The following TENM4 variants were observed in gnomAD, a reference collection of about 807,000 sequenced individuals.
TENM4 encodes teneurin transmembrane protein 4, also known as teneurin-4.
A neutral mutation model predicts 243.3 loss-of-function variants in TENM4; 82 were observed. The observed-to-expected ratio is 0.34, with a 90% confidence interval of 0.28 to 0.40. The LOEUF (loss-of-function observed/expected upper bound fraction) is 0.40, where lower values mean the gene tolerates loss of function less well. Ranked by LOEUF, TENM4 falls within the 10% of genes least tolerant of loss-of-function variation. The pLI is 1.00. For missense variants in TENM4, 3,138 were observed against 3,673.3 expected (o/e 0.85, Z 3.77); for synonymous variants, 1,412 against 1,456.3 (o/e 0.97, Z 0.69).
intron 1 of TENM4, among the ~76,000 whole-genome samples, chr11:79,400,790 T>C (rs189365919): frequency 1.1e-4 from 16 of 152,358 alleles, no homozygotes; most frequent in Admixed American, 5.9e-4. Context: ...TCTTATGTTA[T>C]CTGTTCCCTT....
Position 78,854,262 on chromosome 11 carries a change from C to T in TENM4, c.1523G>A (p.Arg508Gln), listed in dbSNP as rs1183136961. ...CTGGCGCGGGGTCCCCTCTAGGCTC[C>T]GCGCCTCCTGGGTTAGGAGCCTCCT... The part of the protein sequence containing the change: ...DGRRLLTQEA[R>Q]SLEGTPRQSR... The change falls in exon 12 of 34, where the codon CGG (arginine) becomes CAG (glutamine). Residue 508 changes from arginine (R) to glutamine (Q), a missense_variant. By Grantham distance (43) the Arg-to-Gln change is conservative (BLOSUM62 1). Around this residue, in one of 2 missense-constraint regions of TENM4, gnomAD observed 2,467 missense variants for 3,059.1 expected, o/e 0.81. Coordinates refer to ENST00000278550, the MANE Select transcript of TENM4 (RefSeq NM_001098816.3). The T allele has an allele frequency of 2.1e-5, 33 of 1,541,348 alleles. No individual in the cohort carries two copies. Among genetic ancestry groups the T allele is most frequent in the African/African-American group, 9.6e-5 (7 of 72,610 alleles).
intron 6 of TENM4, among the ~76,000 whole-genome samples, chr11:79,053,478 G>C (rs1442872642): frequency 6.6e-6 from 1 of 152,208 alleles, no homozygotes; most frequent in Non-Finnish European, 1.5e-5. Context: ...CAGCAATTCA[G>C]AACCATCTCC....
Position 78,702,199 on chromosome 11 carries a change from C to T in TENM4, c.4414G>A (p.Ala1472Thr), listed in dbSNP as rs776255394. ...ACCCCATTGTGTGAAACAGCCAAAGCGGTGGCTGACTCCAGGGTTGCGTGG... is the reference window on the plus strand; with the variant it reads ...ACCCCATTGTGTGAAACAGCCAAAGTGGTGGCTGACTCCAGGGTTGCGTGG... ...AIHATLESAT[A>T]LAVSHNGVLY... Residue 1472 changes from alanine (A) to threonine (T), a missense_variant, in exon 28 of 34, where the codon GCT (alanine) becomes ACT (threonine). Coordinates refer to ENST00000278550, the MANE Select transcript of TENM4 (RefSeq NM_001098816.3). The T allele has an allele frequency of 6.3e-5, 101 of 1,613,900 alleles. No individual in the cohort carries two copies. The highest frequency in any genetic ancestry group is 9.3e-5 in the African/African-American group (7 of 74,928).
intron 4 of TENM4, among the ~76,000 whole-genome samples, chr11:79,094,927 G>C (rs900209347): frequency 6.6e-6 from 1 of 152,220 alleles, no homozygotes; most frequent in African/African-American, 2.4e-5. Flanking sequence ...CTCTGCATTA[G>C]TCTAGAGATG....
At chr11:78,787,637 C>T (rs1441427405) in intron 15 of TENM4, among the ~76,000 whole-genome samples, 1 of 152,038 alleles carries the variant, frequency 6.6e-6, no homozygotes, top group Non-Finnish European at 1.5e-5. Flanking sequence ...GAACCCCAAC[C>T]CCATGAGTAT....
chr11:79,304,674 C>T (rs925517733), intron 1 of TENM4, among the ~76,000 whole-genome samples: 1 of 152,190 alleles, frequency 6.6e-6, no homozygotes, highest in Non-Finnish European at 1.5e-5. Flanking sequence ...AGGACCTCAG[C>T]CTCAACAACC....
intron 6 of TENM4, among the ~76,000 whole-genome samples, chr11:79,022,087 A>T (rs1248150298): frequency 1.1e-4 from 17 of 152,214 alleles, no homozygotes; most frequent in Admixed American, 1.1e-3. Flanking sequence ...GTCCTAACAT[A>T]AGCGTTAGGG....
intron 10 of TENM4, among the ~76,000 whole-genome samples, chr11:78,856,496 A>G (rs1858685000): frequency 6.6e-6 from 1 of 152,230 alleles, no homozygotes; most frequent in East Asian, 1.9e-4. Flanking sequence ...GATCCTAAAA[A>G]TAATCATTTG....
intron 4 of TENM4, among the ~76,000 whole-genome samples, chr11:79,132,244 G>C (rs1396882860): frequency 6.7e-6 from 1 of 148,576 alleles, no homozygotes; most frequent in Non-Finnish European, 1.5e-5. Flanking sequence ...TACTCAGGAG[G>C]CTGAGGCAGG....
chr11:79,155,343 GTCTC>G (rs531007595), intron 3 of TENM4, among the ~76,000 whole-genome samples: 1 of 150,644 alleles, frequency 6.6e-6, no homozygotes, highest in Admixed American at 6.6e-5. Context: ...GCTAAAATAT[GTCTC>G]TCTCTCTCTT....
intron 1 of TENM4, among the ~76,000 whole-genome samples, chr11:79,309,361 T>A (rs372829509): frequency 6.6e-6 from 1 of 152,098 alleles, no homozygotes; most frequent in Non-Finnish European, 1.5e-5. Context: ...AAGAGGGTCC[T>A]CATCCCATCC....
chr11:79,235,529 G>A (rs1452848390), intron 2 of TENM4, among the ~76,000 whole-genome samples: 1 of 152,144 alleles, frequency 6.6e-6, no homozygotes, highest in Admixed American at 6.5e-5. Context: ...ATAATCGTTA[G>A]CATTGTTGGC....
chr11:79,191,318 G>A (rs1443953817), intron 3 of TENM4, among the ~76,000 whole-genome samples: 2 of 141,102 alleles, frequency 1.4e-5, no homozygotes, highest in African/African-American at 5.4e-5. Flanking sequence ...TGGTGGGGAC[G>A]GGGTTTCGCT....
At chr11:79,154,501 A>T (rs1488649601) in intron 3 of TENM4, among the ~76,000 whole-genome samples, 2 of 152,142 alleles carry the variant, frequency 1.3e-5, no homozygotes, top group Non-Finnish European at 2.9e-5. Flanking sequence ...TCCAAACCAT[A>T]CCACTCTTAA....
At chr11:78,759,843 A>T (rs1362928457) in intron 18 of TENM4, among the ~76,000 whole-genome samples, 2 of 152,222 alleles carry the variant, frequency 1.3e-5, no homozygotes, top group Non-Finnish European at 2.9e-5. Flanking sequence ...GGTAAAGGTC[A>T]TGTAGTCAGT....
intron 2 of TENM4, among the ~76,000 whole-genome samples, chr11:79,231,659 C>A (rs1864375622): frequency 6.6e-6 from 1 of 152,230 alleles, no homozygotes; most frequent in Non-Finnish European, 1.5e-5. Context: ...ACCCTCAGAG[C>A]AGTTGTGGCA....
At chr11:79,302,687 C>G (rs915779022) in intron 1 of TENM4, among the ~76,000 whole-genome samples, 6 of 152,168 alleles carry the variant, frequency 3.9e-5, no homozygotes, top group African/African-American at 1.4e-4. Flanking sequence ...CTTCCCTGTT[C>G]CCTGAGTTCA....
At chr11:79,295,534 G>A (rs537787000) in intron 2 of TENM4, among the ~76,000 whole-genome samples, 48 of 152,274 alleles carry the variant, frequency 3.2e-4, no homozygotes, top group African/African-American at 1.1e-3. Context: ...CTCAAGACAT[G>A]GGACACTCAG....
rs116125598 is a variant in TENM4, at chr11:78,976,041, C to T, written c.494-72518G>A. Among the ~76,000 whole-genome samples the T allele has an allele frequency of 8.8e-3, 1,339 of 152,296 alleles. 23 individuals are homozygous for T. The highest frequency in any genetic ancestry group is 0.03 in the African/African-American group (1,255 of 41,544). On this transcript the variant is annotated intron_variant, in intron 6 of 33. Coordinates refer to ENST00000278550, the MANE Select transcript of TENM4 (RefSeq NM_001098816.3). Reference sequence around the variant, plus strand: ...GTCTGCTGAACCCTATGCCCACATGCTTCCGACTAAAATAACCTTAATAAA... The same window carrying T: ...GTCTGCTGAACCCTATGCCCACATGTTTCCGACTAAAATAACCTTAATAAA...
Sources: gnomAD v4.1 joint callset for allele counts (sites outside exome capture counted in the v4.1 genomes callset) on GRCh38, gnomAD v4.1.1 for gene constraint, gnomAD v4.1.1 regional missense constraint, MANE v1.5 for transcripts, NCBI Gene and HGNC (gene_info 2026-07-23, HGNC 2026-07-21) for gene names.